The following NRXN3 variants were observed in gnomAD, a reference collection of about 807,000 sequenced individuals.
NRXN3 encodes neurexin III.
In NRXN3, 32 loss-of-function variants were observed where a neutral mutation model predicts 137.6. The ratio of observed to expected loss-of-function variants is 0.23; its 90% CI spans 0.18 to 0.31. The LOEUF is 0.31. Among genes scored for constraint, NRXN3 ranks in the 10% least tolerant of loss-of-function variants. The pLI is 1.00. For missense variants in NRXN3, 1,574 were observed against 2,062.5 expected (o/e 0.76, Z 4.59); for synonymous variants, 798 against 784.5 (o/e 1.02, Z -0.29).
At chr14:79,564,914 A>C (rs2097533063) in intron 16 of NRXN3, among the ~76,000 whole-genome samples, 1 of 152,072 alleles carries the variant, frequency 6.6e-6, no homozygotes, top group African/African-American at 2.4e-5. Flanking sequence ...TTTTAAAAAC[A>C]AAGCTATCTC....
chr14:78,458,269 C>A (rs2094810392), intron 4 of NRXN3, among the ~76,000 whole-genome samples: 2 of 152,170 alleles, frequency 1.3e-5, no homozygotes, highest in African/African-American at 4.8e-5. Flanking sequence ...TCAGAGGACT[C>A]AAACTGTGCA....
intron 4 of NRXN3, among the ~76,000 whole-genome samples, chr14:78,359,489 A>G (rs1005878726): frequency 1.3e-5 from 2 of 152,164 alleles, no homozygotes; most frequent in South Asian, 2.1e-4. Flanking sequence ...AAAGGATTAC[A>G]TATTTTCCCT....
chr14:78,839,131 G>A (rs1044819903), intron 10 of NRXN3, among the ~76,000 whole-genome samples: 6 of 152,136 alleles, frequency 3.9e-5, no homozygotes, highest in African/African-American at 1.4e-4. Flanking sequence ...AGAGCCATAA[G>A]GGGAAATTTT....
chr14:78,585,149 G>A (rs1055650013), intron 4 of NRXN3, among the ~76,000 whole-genome samples: 3 of 145,630 alleles, frequency 2.1e-5, no homozygotes, highest in Admixed American at 6.8e-5. Context: ...AGGGGGGGGG[G>A]TGATTAATTT....
rs190767280 is a variant in NRXN3, at chr14:79,132,041, G to A, written c.3262+143900G>A. Among the ~76,000 whole-genome samples the A allele has an allele frequency of 4.5e-4, 68 of 152,300 alleles. No individual in the cohort carries two copies. In the East Asian group the frequency reaches 0.011, roughly 24 times the overall value. ...AATGCCTCGCCCTGCTTCAGCTCAC[G>A]CACGGTGCGTGCACCCACTGACCTG... is the stretch of plus-strand genomic sequence containing the variant. On this transcript the variant is annotated intron_variant, in intron 15 of 20. Transcript: ENST00000335750.
chr14:79,853,153 G>A (rs1028885301), intron 20 of NRXN3, among the ~76,000 whole-genome samples: 16 of 152,092 alleles, frequency 1.1e-4, no homozygotes, highest in African/African-American at 3.9e-4. Flanking sequence ...GCAACCCAGT[G>A]CGTGGGCCCC....
At chr14:79,484,633 CT>C (rs2096639018) in intron 16 of NRXN3, among the ~76,000 whole-genome samples, 1 of 152,148 alleles carries the variant, frequency 6.6e-6, no homozygotes, top group African/African-American at 2.4e-5. Flanking sequence ...TGCCTGACCC[CT>C]GGAGACATTT....
chr14:79,780,784 C>G (rs2099111269), intron 19 of NRXN3, among the ~76,000 whole-genome samples: 1 of 152,018 alleles, frequency 6.6e-6, no homozygotes. Flanking sequence ...TGTTAGTTTT[C>G]TATCTTTGAA....
chr14:78,925,399 A>T (rs1361782523), intron 10 of NRXN3, among the ~76,000 whole-genome samples: 1 of 152,150 alleles, frequency 6.6e-6, no homozygotes, highest in Non-Finnish European at 1.5e-5. Context: ...GCCTTATAAC[A>T]CTACACTTGC....
intron 2 of NRXN3, among the ~76,000 whole-genome samples, chr14:78,244,057 G>A (rs2067335974): frequency 6.6e-6 from 1 of 152,196 alleles, no homozygotes; most frequent in Admixed American, 6.5e-5. Context: ...GAAGTAGGCT[G>A]CAGGGTCTGC....
chr14:78,992,287 G>C (rs2099520496), intron 15 of NRXN3, among the ~76,000 whole-genome samples: 1 of 152,128 alleles, frequency 6.6e-6, no homozygotes, highest in African/African-American at 2.4e-5. Flanking sequence ...CATTCTCCAA[G>C]ATAATCTTCA....
intron 16 of NRXN3, among the ~76,000 whole-genome samples, chr14:79,482,002 A>C (rs1329570318): frequency 6.6e-6 from 1 of 152,162 alleles, no homozygotes; most frequent in Non-Finnish European, 1.5e-5. Flanking sequence ...GGCCAATCTT[A>C]GCTGCTACAA....
chr14:79,365,139 G>T (rs922842943), intron 15 of NRXN3, among the ~76,000 whole-genome samples: 10 of 152,066 alleles, frequency 6.6e-5, no homozygotes, highest in African/African-American at 2.4e-4. Flanking sequence ...TAGTTTGTGG[G>T]TTCCTTCATG....
intron 4 of NRXN3, among the ~76,000 whole-genome samples, chr14:78,457,354 T>A (rs1196898511): frequency 6.6e-6 from 1 of 151,932 alleles, no homozygotes; most frequent in Non-Finnish European, 1.5e-5. Context: ...TGATGGAGGA[T>A]TTGTGATGTG....
chr14:79,803,933 GTATA>G (rs150295285), intron 19 of NRXN3, among the ~76,000 whole-genome samples: 2 of 141,262 alleles, frequency 1.4e-5, no homozygotes, highest in Non-Finnish European at 3.1e-5. Flanking sequence ...ATATGTGTGT[GTATA>G]TATATATGTA....
chr14:78,498,278 G>A (rs1454957274), intron 4 of NRXN3, among the ~76,000 whole-genome samples: 1 of 152,174 alleles, frequency 6.6e-6, no homozygotes, highest in Non-Finnish European at 1.5e-5. Flanking sequence ...GAATATCAGA[G>A]GGAGATGATC....
At chr14:78,733,884 A>G (rs746673290) in intron 8 of NRXN3, among the ~76,000 whole-genome samples, 9 of 152,276 alleles carry the variant, frequency 5.9e-5, no homozygotes, top group Middle Eastern at 6.8e-3. Flanking sequence ...AAGGAGCTCA[A>G]GGTCACCCTA....
intron 4 of NRXN3, among the ~76,000 whole-genome samples, chr14:78,608,827 A>G (rs1260052066): frequency 2.0e-5 from 3 of 152,220 alleles, no homozygotes; most frequent in African/African-American, 7.2e-5. Flanking sequence ...GAGAAGGGGT[A>G]TCTGATTTAG....
At chr14:78,519,059 T>C (rs958516166) in intron 4 of NRXN3, among the ~76,000 whole-genome samples, 3 of 152,142 alleles carry the variant, frequency 2.0e-5, no homozygotes, top group Non-Finnish European at 2.9e-5. Context: ...AATATCATTC[T>C]GCTATTCATC....
Sources: allele counts gnomAD v4.1 joint callset (sites outside exome capture counted in the v4.1 genomes callset), GRCh38; gene constraint gnomAD v4.1.1; transcripts MANE v1.5; gene names NCBI Gene and HGNC (gene_info 2026-07-23, HGNC 2026-07-21).